Variants in POMGNT2 observed in about 807,000 individuals in gnomAD.
POMGNT2 encodes the protein protein O-linked mannose N-acetylglucosaminyltransferase 2 (beta 1,4-).
POMGNT2 carries 32 observed loss-of-function variants against 37.8 expected under a neutral mutation model. That is an observed-to-expected ratio of 0.85 (90% CI 0.64 to 1.14). The LOEUF (loss-of-function observed/expected upper bound fraction) is 1.14. Among genes scored for constraint, POMGNT2 ranks in the 50% most tolerant of loss-of-function variants. POMGNT2 has a pLI of 0.00. For synonymous variants in POMGNT2, 340 were observed against 336.8 expected, an observed-to-expected ratio of 1.01 and a Z score of -0.10; for missense variants, 705 against 780.6, an observed-to-expected ratio of 0.90 and a Z score of 1.15.
At position 43,081,347 on chromosome 3, in the gene POMGNT2, C is replaced by T. The variant is rs2089854184; in HGVS notation, c.85G>A (p.Ala29Thr). 6.2e-7 allele frequency: 1 copy of T among 1,609,730 alleles called. No individual in the cohort carries two copies. The highest frequency in any genetic ancestry group is 1.3e-5 in the African/African-American group (1 of 74,918). The change falls in exon 2 of 2, where the codon GCA (alanine) becomes ACA (threonine). Residue 29 changes from alanine to threonine, a missense_variant. Coordinates refer to ENST00000344697, the MANE Select transcript of POMGNT2 (RefSeq NM_032806.6). ...LWKHVRLREH[A>T]ATLEEELALS... The stretch of plus-strand genomic sequence containing the variant: ...GCCAGCTCCTCCTCCAGTGTGGCTG[C>T]ATGCTCACGCAGCCGCACATGCTTC...
intron 1 of POMGNT2, among the ~76,000 whole-genome samples, chr3:43,087,157 C>T (rs2089903959): frequency 6.6e-6 from 1 of 152,198 alleles, no homozygotes. Flanking sequence ...GAGCATGGCC[C>T]TGCTGACACC....
intron 1 of POMGNT2, among the ~76,000 whole-genome samples, chr3:43,090,302 T>C (rs1327403903): frequency 6.7e-6 from 1 of 149,814 alleles, no homozygotes; most frequent in Non-Finnish European, 1.5e-5. Context: ...TCAACATCTA[T>C]CTATATATTT....
intron 1 of POMGNT2, among the ~76,000 whole-genome samples, chr3:43,084,344 T>C: frequency 6.8e-6 from 1 of 146,460 alleles, no homozygotes; most frequent in East Asian, 2.0e-4. Context: ...AATGCTAGAT[T>C]AAAAAAAAAA....
intron 1 of POMGNT2, among the ~76,000 whole-genome samples, chr3:43,097,999 CAAG>C (rs772823380): frequency 6.2e-4 from 94 of 152,320 alleles, no homozygotes; most frequent in Middle Eastern, 3.4e-3. Flanking sequence ...CACTCCTCCA[CAAG>C]AAGGGTTACA....
In POMGNT2 at chr3:43,106,037, C is replaced by G. The variant is rs751061179; in HGVS notation, c.-307G>C. 6.6e-6 allele frequency: 1 copy of G among 151,558 alleles called. No homozygotes were observed. Among genetic ancestry groups the G allele is most frequent in the Non-Finnish European group, 1.5e-5 (1 of 67,898 alleles). The allele number at this position is 151,558 out of a possible 1,614,324, so 9.4% of individuals were successfully genotyped here. On this transcript the variant is annotated 5_prime_UTR_variant, in exon 1 of 2. Coordinates refer to ENST00000344697, the MANE Select transcript of POMGNT2 (RefSeq NM_032806.6). ...CCACCTCCAGGCTCGCAGGTGTCCG[C>G]CGTGCGCCTGCCCGGCGGGCGAGCC...
At position 43,081,639 on chromosome 3, in the gene POMGNT2, C is replaced by T. The variant is rs79553063; in HGVS notation, c.-105-103G>A. 2,311 of 568,434 alleles carry T rather than the reference C, an allele frequency of 4.1e-3. 56 individuals carry two copies. Among genetic ancestry groups the T allele is most frequent in the African/African-American group, 0.038 (2,034 of 53,472 alleles). The allele number at this position is 568,434 out of a possible 1,614,324, so 35.2% of individuals were successfully genotyped here. A position where few individuals can be genotyped will look rare whatever the true frequency, so the allele number is the denominator to read the frequency against. On this transcript the variant is annotated intron_variant, in intron 1 of 1. Transcript: ENST00000344697. ...GCACGGTAGCTAGGCTCTGTGTGCCCGCTACAGCACTGGATCCTTGCAGCC... is the reference window on the plus strand; with the variant it reads ...GCACGGTAGCTAGGCTCTGTGTGCCTGCTACAGCACTGGATCCTTGCAGCC...
In POMGNT2 at chr3:43,080,934, G is replaced by A. The variant is rs748906775; in HGVS notation, c.498C>T (p.His166=). ...ANRFNPDNLM[H]VFHDDLLPLF... ...GTGGCAGCAGGTCGTCATGAAAGAC[G>A]TGCATGAGGTTGTCGGGGTTGAAGC... is the stretch of plus-strand genomic sequence containing the variant. Residue 166 remains histidine (H), a synonymous_variant, in exon 2 of 2, where the codon CAC becomes CAT. Coordinates refer to ENST00000344697, the MANE Select transcript of POMGNT2 (RefSeq NM_032806.6). 11 of 1,614,196 alleles carry A rather than the reference G, an allele frequency of 6.8e-6. No homozygotes were observed. Among genetic ancestry groups the A allele is most frequent in the Middle Eastern group, 3.3e-4 (2 of 6,062 alleles).
intron 1 of POMGNT2, among the ~76,000 whole-genome samples, chr3:43,095,064 T>C (rs2089970392): frequency 1.3e-5 from 2 of 152,294 alleles, no homozygotes; most frequent in South Asian, 4.1e-4. Context: ...TCCTTGCCCC[T>C]GCTCAGCAGG....
At chr3:43,086,676 G>A (rs149791644) in intron 1 of POMGNT2, among the ~76,000 whole-genome samples, 49 of 152,264 alleles carry the variant, frequency 3.2e-4, no homozygotes, top group African/African-American at 1.1e-3. Flanking sequence ...TCTGGCTCCT[G>A]GGTGCCTGGA....
chr3:43,093,917 A>T (rs577068), intron 1 of POMGNT2, among the ~76,000 whole-genome samples: 145,775 of 152,186 alleles, frequency 0.96, 70,126 homozygotes, highest in East Asian at 1. Context: ...TGCTCCTGGG[A>T]GACTTAAAAA....
rs1220399457 is a variant in POMGNT2, at chr3:43,096,980, T to C, written c.-106+8856A>G. ...GAGCATCAGAGGATAATGTCAAAAA[T>C]GCTGTTGCAACTGCAGACCCCAGTA... On this transcript the variant is annotated intron_variant, in intron 1 of 1. Transcript: ENST00000344697. Among the ~76,000 whole-genome samples the C allele has an allele frequency of 2.6e-5, 4 of 152,224 alleles. No homozygotes were observed. The East Asian group carries it at 5.8e-4, about 22-fold the overall frequency.
intron 1 of POMGNT2, among the ~76,000 whole-genome samples, chr3:43,105,418 G>A (rs1406166023): frequency 6.6e-6 from 1 of 151,700 alleles, no homozygotes; most frequent in Non-Finnish European, 1.5e-5. Flanking sequence ...CCCGCTCCGC[G>A]CACCTCGCGT....
At chr3:43,092,885 T>C (rs2089954060) in intron 1 of POMGNT2, among the ~76,000 whole-genome samples, 1 of 152,176 alleles carries the variant, frequency 6.6e-6, no homozygotes, top group African/African-American at 2.4e-5. Context: ...AAAACAAAAC[T>C]AGGCCCTCTC....
At chr3:43,081,979 A>G (rs966959292) in intron 1 of POMGNT2, among the ~76,000 whole-genome samples, 1 of 152,276 alleles carries the variant, frequency 6.6e-6, no homozygotes, top group Admixed American at 6.5e-5. Context: ...CTGATCCCTC[A>G]TGACTGAGTG....
intron 1 of POMGNT2, among the ~76,000 whole-genome samples, chr3:43,105,046 G>A (rs1455524868): frequency 6.6e-6 from 1 of 152,204 alleles, no homozygotes; most frequent in Non-Finnish European, 1.5e-5. Context: ...CCATAACCCT[G>A]AAGTCATCCT....
chr3:43,090,728 G>A (rs2089936835), intron 1 of POMGNT2: 1 of 152,206 alleles, frequency 6.6e-6, no homozygotes, highest in African/African-American at 2.4e-5. Flanking sequence ...AAGACAGCAA[G>A]GAGAGACTGT....
chr3:43,100,023 G>C (rs1269781667), intron 1 of POMGNT2, among the ~76,000 whole-genome samples: 1 of 152,174 alleles, frequency 6.6e-6, no homozygotes, highest in African/African-American at 2.4e-5. Context: ...AGGTAGGCTG[G>C]CTACAGGGTC....
At chr3:43,099,513 C>G (rs1422066029) in intron 1 of POMGNT2, among the ~76,000 whole-genome samples, 1 of 152,210 alleles carries the variant, frequency 6.6e-6, no homozygotes, top group Non-Finnish European at 1.5e-5. Context: ...AAGCCATGGG[C>G]AGTGATGGCC....
rs545270969 is a variant in POMGNT2 at position 43,084,449 on chromosome 3, C to T, written c.-105-2913G>A. Among the ~76,000 whole-genome samples the T allele has an allele frequency of 3.4e-4, 51 of 152,084 alleles. No individual in the cohort carries two copies. The South Asian group carries it at 9.8e-3, about 29-fold the overall frequency. On this transcript the variant is annotated intron_variant, in intron 1 of 1. Transcript: ENST00000344697. ...TCACGAGGTCAGGAGTTCGAGACCA[C>T]CCTGGCTAACATGGTGAAACCCCAT...
Sources: allele counts gnomAD v4.1 joint callset (sites outside exome capture counted in the v4.1 genomes callset), GRCh38; gene constraint gnomAD v4.1.1; transcripts MANE v1.5; gene names NCBI Gene and HGNC (gene_info 2026-07-23, HGNC 2026-07-21).